The following KCMF1 variants were observed in gnomAD, a reference collection of about 807,000 sequenced individuals.
KCMF1 encodes the protein E3 ubiquitin-protein ligase KCMF1.
In KCMF1, 3 loss-of-function variants were observed where a neutral mutation model predicts 41.1. The ratio of observed to expected loss-of-function variants is 0.07; its 90% CI spans 0.03 to 0.19. The LOEUF is 0.19. Among genes scored for constraint, KCMF1 ranks in the 10% least tolerant of loss-of-function variants. The pLI is 1.00. For missense variants in KCMF1, 286 were observed against 488.9 expected, an observed-to-expected ratio of 0.58 and a Z score of 3.91; for synonymous variants, 142 against 164.5, an observed-to-expected ratio of 0.86 and a Z score of 1.04.
At chr2:84,982,919 T>G (rs1325236920) in intron 1 of KCMF1, among the ~76,000 whole-genome samples, 1 of 152,216 alleles carries the variant, frequency 6.6e-6, no homozygotes, top group Non-Finnish European at 1.5e-5. Context: ...TGGGACTGAT[T>G]TTCTCTTCTC....
At chr2:85,000,207 G>A (rs1558570037) in intron 1 of KCMF1, among the ~76,000 whole-genome samples, 1 of 151,642 alleles carries the variant, frequency 6.6e-6, no homozygotes, top group Non-Finnish European at 1.5e-5. Context: ...CTCACTGCAA[G>A]CTCCGCTTCC....
At chr2:84,982,076 C>T (rs1192889635) in intron 1 of KCMF1, among the ~76,000 whole-genome samples, 1 of 152,158 alleles carries the variant, frequency 6.6e-6, no homozygotes, top group Non-Finnish European at 1.5e-5. Context: ...AGCCACTGTG[C>T]CTGGCAATTC....
intron 1 of KCMF1, among the ~76,000 whole-genome samples, chr2:85,021,305 A>G (rs1225078346): frequency 6.6e-6 from 1 of 152,174 alleles, no homozygotes; most frequent in African/African-American, 2.4e-5. Context: ...TTGAGATCAA[A>G]TTGTATTCTG....
intron 1 of KCMF1, 31 bp downstream of exon 1, chr2:84,971,498 TC>T: frequency 8.4e-7 from 1 of 1,187,174 alleles, no homozygotes; most frequent in Non-Finnish European, 1.1e-6. Flanking sequence ...CACCCGCACC[TC>T]CCGGGCCTCG....
chr2:85,025,256 C>T (rs1260498113), intron 1 of KCMF1, among the ~76,000 whole-genome samples: 2 of 152,142 alleles, frequency 1.3e-5, no homozygotes, highest in Non-Finnish European at 2.9e-5. Flanking sequence ...TCTTTGAATA[C>T]ATTTTTACTA....
chr2:84,996,500 A>G (rs548150294), intron 1 of KCMF1, among the ~76,000 whole-genome samples: 1 of 148,006 alleles, frequency 6.8e-6, no homozygotes, highest in African/African-American at 2.5e-5. Flanking sequence ...CAGTGGTGCA[A>G]TCCCGGCTCA....
rs34687477 is a variant in KCMF1 at position 84,982,389 on chromosome 2, C to CTTTTTTTTTTTT, written c.16+10944_16+10955dup. On this transcript the variant is annotated intron_variant, in intron 1 of 6. Transcript: ENST00000409785. ...GAGTTACAGATGTGTTCCTTATTTT[C>CTTTTTTTTTTTT]TTTTTTTTTTTTTTTTTTTTTTTTT... Among the ~76,000 whole-genome samples the CTTTTTTTTTTTT allele has an allele frequency of 3.3e-3, 154 of 47,266 alleles. 31 individuals are homozygous for CTTTTTTTTTTTT. The highest frequency in any genetic ancestry group is 5.8e-3 in the African/African-American group (65 of 11,238). The allele number at this position is 47,266 out of a possible 152,430, so 31.0% of individuals were successfully genotyped here.
chr2:85,030,306 G>T (rs1301537880), intron 2 of KCMF1, among the ~76,000 whole-genome samples: 2 of 151,848 alleles, frequency 1.3e-5, no homozygotes, highest in South Asian at 4.2e-4. Context: ...CACTTTCTTG[G>T]TGGTGTGCTT....
chr2:84,975,747 T>G (rs184343859), intron 1 of KCMF1, among the ~76,000 whole-genome samples: 19 of 152,330 alleles, frequency 1.2e-4, no homozygotes, highest in Admixed American at 3.3e-4. Context: ...TATCATACTT[T>G]CAAATACATT....
In KCMF1 at chr2:85,059,330, C is replaced by T. The variant is rs924158954; in HGVS notation, c.*5921C>T. On this transcript the variant is annotated 3_prime_UTR_variant, in exon 7 of 7. Coordinates refer to ENST00000409785, the MANE Select transcript of KCMF1 (RefSeq NM_020122.5). ...CTTGGAAAATATCACACTGACGATA[C>T]AGTACTTTAGAATAAATTGCATATT... 1 of 152,218 alleles carries T rather than the reference C, an allele frequency of 6.6e-6. No homozygotes were observed. Among genetic ancestry groups the T allele is most frequent in the Admixed American group, 6.5e-5 (1 of 15,284 alleles). 9.4% of individuals were successfully genotyped at this position (152,218 alleles called of 1,614,324 possible).
At chr2:85,001,852 A>G (rs1478831760) in intron 1 of KCMF1, among the ~76,000 whole-genome samples, 1 of 152,224 alleles carries the variant, frequency 6.6e-6, no homozygotes, top group Non-Finnish European at 1.5e-5. Flanking sequence ...GTGTACTAAC[A>G]CAAACCCCTA....
chr2:84,978,761 G>A (rs1559124186), intron 1 of KCMF1, among the ~76,000 whole-genome samples: 1 of 151,920 alleles, frequency 6.6e-6, no homozygotes, highest in African/African-American at 2.4e-5. Context: ...TGTTGCCCAG[G>A]CTGGAGTGCA....
chr2:84,976,090 GAAGGGA>G, intron 1 of KCMF1, among the ~76,000 whole-genome samples: 1 of 152,222 alleles, frequency 6.6e-6, no homozygotes, highest in Non-Finnish European at 1.5e-5. Flanking sequence ...ATGCCATAAG[GAAGGGA>G]TAAACACTGA....
intron 1 of KCMF1, among the ~76,000 whole-genome samples, chr2:84,975,585 G>A (rs920910201): frequency 2.6e-4 from 40 of 152,088 alleles, no homozygotes; most frequent in Non-Finnish European, 8.8e-5. Context: ...AGTGAGAATT[G>A]TAGGGCCACT....
intron 1 of KCMF1, among the ~76,000 whole-genome samples, chr2:85,014,525 C>A (rs1674719650): frequency 6.6e-6 from 1 of 151,908 alleles, no homozygotes; most frequent in African/African-American, 2.4e-5. Flanking sequence ...GATTAAAAAT[C>A]ATCACCTTCC....
chr2:84,975,793 A>G (rs1360975188), intron 1 of KCMF1, among the ~76,000 whole-genome samples: 2 of 152,232 alleles, frequency 1.3e-5, no homozygotes, highest in East Asian at 3.8e-4. Context: ...CTTAAAATCT[A>G]CTTTTAAAGC....
At chr2:84,990,528 A>T (rs1437175886) in intron 1 of KCMF1, among the ~76,000 whole-genome samples, 1 of 152,072 alleles carries the variant, frequency 6.6e-6, no homozygotes, top group East Asian at 1.9e-4. Flanking sequence ...GTGAGAGAAT[A>T]AGGATTGCAG....
intron 1 of KCMF1, among the ~76,000 whole-genome samples, chr2:85,010,954 C>T (rs1674636657): frequency 6.6e-6 from 1 of 151,428 alleles, no homozygotes. Flanking sequence ...AGCAATTCTT[C>T]TTCCTCAGCC....
chr2:84,978,957 G>A (rs768733701), intron 1 of KCMF1, among the ~76,000 whole-genome samples: 25 of 151,086 alleles, frequency 1.7e-4, no homozygotes, highest in Middle Eastern at 3.4e-3. Context: ...CAGGTGATCT[G>A]CCCACCTCAG....
Sources: allele counts gnomAD v4.1 joint callset (sites outside exome capture counted in the v4.1 genomes callset), GRCh38; gene constraint gnomAD v4.1.1; transcripts MANE v1.5; gene names NCBI Gene and HGNC (gene_info 2026-07-23, HGNC 2026-07-21).